Variants in PRKD1 observed in about 807,000 individuals in gnomAD.
PRKD1 encodes protein kinase D1, also known as serine/threonine-protein kinase D1.
A neutral mutation model predicts 95.9 loss-of-function variants in PRKD1; 63 were observed. The ratio of observed to expected loss-of-function variants is 0.66; its 90% CI spans 0.54 to 0.81. PRKD1 has a LOEUF of 0.81. Ranked by LOEUF, PRKD1 falls within the 30% of genes least tolerant of loss-of-function variation. PRKD1 has a pLI of 0.00. For synonymous variants in PRKD1, 425 were observed against 423.1 expected (o/e 1.00, Z -0.05); for missense variants, 1,048 against 1,165.3 (o/e 0.90, Z 1.47).
chr14:29,803,556 A>G (rs891755726), intron 1 of PRKD1, among the ~76,000 whole-genome samples: 3 of 152,184 alleles, frequency 2.0e-5, no homozygotes, highest in African/African-American at 7.2e-5. Context: ...GGTAAAAATA[A>G]TCCAAGCTGG....
chr14:29,663,197 TG>T (rs1229876716), intron 4 of PRKD1, among the ~76,000 whole-genome samples: 3 of 145,574 alleles, frequency 2.1e-5, no homozygotes, highest in Non-Finnish European at 4.5e-5. Flanking sequence ...ATATTTAAAG[TG>T]TTAAGTCCTA....
chr14:29,923,086 CCAGGCATGGT>C (rs1194196910), intron 1 of PRKD1, among the ~76,000 whole-genome samples: 4 of 151,630 alleles, frequency 2.6e-5, no homozygotes, highest in Admixed American at 2.6e-4. Context: ...TAAAAATTAG[CCAGGCATGGT>C]CACCCATACC....
intron 1 of PRKD1, among the ~76,000 whole-genome samples, chr14:29,794,352 T>C (rs529239254): frequency 6.6e-6 from 1 of 152,058 alleles, no homozygotes; most frequent in East Asian, 1.9e-4. Flanking sequence ...AATAGAAATA[T>C]AAAGTACTCC....
intron 1 of PRKD1, among the ~76,000 whole-genome samples, chr14:29,826,663 G>GTA (rs373221137): frequency 0.78 from 57,128 of 73,156 alleles, 23,095 homozygotes; most frequent in African/African-American, 0.84. Flanking sequence ...GTGTGTGTGT[G>GTA]TATATATGTG....
chr14:29,761,859 T>C (rs1888007035), intron 1 of PRKD1, among the ~76,000 whole-genome samples: 1 of 150,570 alleles, frequency 6.6e-6, no homozygotes, highest in Non-Finnish European at 1.5e-5. Context: ...CCTAGCTCAC[T>C]GTCACCTCAA....
intron 4 of PRKD1, chr14:29,656,561 A>G (rs1320673873): frequency 1.4e-6 from 2 of 1,478,718 alleles, no homozygotes; most frequent in African/African-American, 2.8e-5. Flanking sequence ...GGAGAAAAAG[A>G]CAGGAAAACA....
At chr14:29,737,150 G>A (rs1261239199) in intron 1 of PRKD1, among the ~76,000 whole-genome samples, 1 of 150,644 alleles carries the variant, frequency 6.6e-6, no homozygotes, top group Non-Finnish European at 1.5e-5. Flanking sequence ...GTGAAACCCC[G>A]TCTCTACTAA....
chr14:29,784,001 T>C (rs778004892), intron 1 of PRKD1, among the ~76,000 whole-genome samples: 4 of 152,200 alleles, frequency 2.6e-5, no homozygotes, highest in Non-Finnish European at 5.9e-5. Context: ...ACTTTTGTTT[T>C]TGTTGGCTGT....
chr14:29,705,520 T>C (rs555378943), intron 2 of PRKD1, among the ~76,000 whole-genome samples: 56 of 152,086 alleles, frequency 3.7e-4, no homozygotes, highest in African/African-American at 1.3e-3. Context: ...TTAAAGTATA[T>C]AGCTCAGTGG....
intron 1 of PRKD1, among the ~76,000 whole-genome samples, chr14:29,791,205 T>C (rs1889531106): frequency 6.6e-6 from 1 of 152,128 alleles, no homozygotes. Flanking sequence ...AAACTGTCTC[T>C]GATTTTCCCT....
At chr14:29,743,924 T>A (rs1887096992) in intron 1 of PRKD1, among the ~76,000 whole-genome samples, 1 of 152,244 alleles carries the variant, frequency 6.6e-6, no homozygotes. Flanking sequence ...CCCACTTGAC[T>A]GGCTATCACT....
intron 2 of PRKD1, among the ~76,000 whole-genome samples, chr14:29,721,821 C>T (rs1885911208): frequency 6.6e-6 from 1 of 151,830 alleles, no homozygotes; most frequent in Admixed American, 6.6e-5. Flanking sequence ...TATTTTTTTC[C>T]TCAATAACCC....
chr14:29,718,840 A>G (rs1885748880), intron 2 of PRKD1, among the ~76,000 whole-genome samples: 1 of 152,154 alleles, frequency 6.6e-6, no homozygotes, highest in Non-Finnish European at 1.5e-5. Flanking sequence ...TGCCTTCTTA[A>G]AAGCAAACAA....
intron 1 of PRKD1, among the ~76,000 whole-genome samples, chr14:29,807,528 C>G (rs1050049046): frequency 1.3e-5 from 2 of 152,046 alleles, no homozygotes; most frequent in African/African-American, 4.8e-5. Flanking sequence ...TCCCAAGTAG[C>G]TGGGACTACC....
At chr14:29,826,191 T>C (rs1224789611) in intron 1 of PRKD1, among the ~76,000 whole-genome samples, 2 of 139,288 alleles carry the variant, frequency 1.4e-5, no homozygotes, top group Non-Finnish European at 3.0e-5. Context: ...TATATATACA[T>C]ATATATGATG....
chr14:29,583,919 AT>A (rs1208214163), intron 16 of PRKD1, among the ~76,000 whole-genome samples: 1 of 152,150 alleles, frequency 6.6e-6, no homozygotes, highest in Non-Finnish European at 1.5e-5. Flanking sequence ...CCTGTACAGC[AT>A]TTTTTCTCCT....
At chr14:29,582,900 C>T (rs1464754884) in intron 16 of PRKD1, among the ~76,000 whole-genome samples, 1 of 152,098 alleles carries the variant, frequency 6.6e-6, no homozygotes, top group Non-Finnish European at 1.5e-5. Context: ...TTGGGCCATT[C>T]TATGAATTCC....
chr14:29,703,950 C>T (rs978980309), intron 2 of PRKD1, among the ~76,000 whole-genome samples: 1 of 152,140 alleles, frequency 6.6e-6, no homozygotes, highest in African/African-American at 2.4e-5. Flanking sequence ...TCAGAGTGGG[C>T]AAGCCAGTGC....
At chr14:29,885,650 AAGG>A (rs920597849) in intron 1 of PRKD1, among the ~76,000 whole-genome samples, 1 of 152,056 alleles carries the variant, frequency 6.6e-6, no homozygotes, top group Non-Finnish European at 1.5e-5. Context: ...CCCATTCTCT[AAGG>A]AGAAGACTTT....
Sources: allele counts gnomAD v4.1 joint callset (sites outside exome capture counted in the v4.1 genomes callset), GRCh38; gene constraint gnomAD v4.1.1; transcripts MANE v1.5; gene names NCBI Gene and HGNC (gene_info 2026-07-23, HGNC 2026-07-21).